CIT: variants seen among roughly 807,000 people sequenced by gnomAD.
CIT encodes the protein citron Rho-interacting kinase.
Under a neutral mutation model 272.7 loss-of-function variants are expected in CIT, and 79 were observed. That is an observed-to-expected ratio of 0.29 (90% CI 0.24 to 0.35). CIT has a LOEUF of 0.35. CIT is among the 10% of genes least tolerant of loss of function. The pLI, the probability that CIT is intolerant of heterozygous loss-of-function variation, is 1.00. For missense variants in CIT, 1,909 were observed against 2,618.3 expected (o/e 0.73, Z 5.91); for synonymous variants, 948 against 995.6 (o/e 0.95, Z 0.90).
At chr12:119,751,889 C>A (rs1960312103) in intron 23 of CIT, among the ~76,000 whole-genome samples, 161 bp downstream of exon 23, 1 of 152,200 alleles carries the variant, frequency 6.6e-6, no homozygotes, top group Non-Finnish European at 1.5e-5. Context: ...TCCAATGAAG[C>A]AGCAGCCTAT....
chr12:119,821,018 A>C (rs1220884989), intron 9 of CIT, among the ~76,000 whole-genome samples: 1 of 151,866 alleles, frequency 6.6e-6, no homozygotes, highest in East Asian at 1.9e-4. Context: ...TTTTTTGGCC[A>C]GGCGTGGTGG....
intron 23 of CIT, among the ~76,000 whole-genome samples, chr12:119,743,144 A>AT (rs1423222364): frequency 2.6e-5 from 4 of 152,186 alleles, no homozygotes; most frequent in African/African-American, 9.7e-5. Flanking sequence ...CCATGCCTTC[A>AT]TTCTGGTGAC....
At chr12:119,729,244 A>G (rs1958296957) in intron 27 of CIT, among the ~76,000 whole-genome samples, 1 of 152,166 alleles carries the variant, frequency 6.6e-6, no homozygotes, top group African/African-American at 2.4e-5. Context: ...TAGTTTCCTC[A>G]TGCTTAAAAA....
chr12:119,828,029 T>G (rs1640523202), intron 7 of CIT, among the ~76,000 whole-genome samples: 1 of 152,126 alleles, frequency 6.6e-6, no homozygotes, highest in Non-Finnish European at 1.5e-5. Context: ...TGGGGAGTGT[T>G]TCTCAGGACA....
chr12:119,811,769 T>C (rs182749847), intron 9 of CIT, among the ~76,000 whole-genome samples: 24 of 152,308 alleles, frequency 1.6e-4, no homozygotes, highest in African/African-American at 5.5e-4. Context: ...TAGCTTTACT[T>C]TGTTTTTTTC....
chr12:119,755,667 C>T (rs1392917796), intron 22 of CIT, among the ~76,000 whole-genome samples: 2 of 152,186 alleles, frequency 1.3e-5, no homozygotes, highest in East Asian at 1.9e-4. Context: ...TCTGTCTTGT[C>T]GCCACTGTAG....
chr12:119,752,006 G>C, intron 23 of CIT, 44 bp downstream of exon 23: 1 of 1,556,596 alleles, frequency 6.4e-7, no homozygotes, highest in South Asian at 1.2e-5. Flanking sequence ...ACTCATCCTA[G>C]CTGAGGCCTT....
intron 13 of CIT, 110 bp downstream of exon 13, chr12:119,782,408 C>T: frequency 2.3e-6 from 3 of 1,294,252 alleles, no homozygotes; most frequent in Non-Finnish European, 3.2e-6. Context: ...TCTGCCCCCA[C>T]CCTTTCTCTC....
Position 119,713,746 on chromosome 12 carries a change from G to T in CIT, c.4307-98C>A. 7.6e-7 allele frequency: 1 copy of T among 1,309,034 alleles called. No homozygotes were observed. The highest frequency in any genetic ancestry group is 1.1e-6 in the Non-Finnish European group (1 of 911,612). The allele number at this position is 1,309,034 out of a possible 1,614,324, so 81.1% of individuals were successfully genotyped here. ...ACGCCTGGGCTTCTCTACCCCAGCCGGGCCCAGAGAGTCTGGCCCTGGCTT... is the reference window on the plus strand; with the variant it reads ...ACGCCTGGGCTTCTCTACCCCAGCCTGGCCCAGAGAGTCTGGCCCTGGCTT... On this transcript the variant is annotated intron_variant, in intron 33 of 47. Transcript: ENST00000392521. The surrounding 1 kb of genome is among the most constrained non-coding windows in gnomAD (Gnocchi z 5.2).
In CIT at chr12:119,726,313, C is replaced by T. The variant is rs773102078; in HGVS notation, c.3591+2189G>A. On this transcript the variant is annotated intron_variant, in intron 28 of 47. Coordinates refer to ENST00000392521, the MANE Select transcript of CIT (RefSeq NM_001206999.2). ...AGCTCAATGCAGCCTCAAACACCTG[C>T]GCTCAAGTGATCCTCCCACCTCAGC... Among the ~76,000 whole-genome samples, 15 of 151,522 alleles carry T rather than the reference C, an allele frequency of 9.9e-5. 1 individual carries two copies. Among genetic ancestry groups the T allele is most frequent in the East Asian group, 3.9e-4 (2 of 5,162 alleles).
rs767217594 is a variant in CIT, at chr12:119,825,142, G to A, written c.957+23C>T. On this transcript the variant is annotated intron_variant, in intron 8 of 47. Coordinates refer to ENST00000392521, the MANE Select transcript of CIT (RefSeq NM_001206999.2). The stretch of plus-strand genomic sequence containing the variant: ...AAATAACGTTTCTCAATGTGACTTC[G>A]AAATCTTCTAAGGACTCTTTACCTG... The A allele has an allele frequency of 6.3e-6, 10 of 1,596,588 alleles. No individual in the cohort carries two copies. In the South Asian group the frequency reaches 8.9e-5, roughly 14 times the overall value.
In CIT at chr12:119,713,869, C is replaced by G; in HGVS notation, c.4307-221G>C. ...TGACCCAGTTTTCCAGGCTTCAATC[C>G]AGACCGCCCACAAACAGGTGTGTAA... On this transcript the variant is annotated intron_variant, in intron 33 of 47. Transcript: ENST00000392521. The surrounding 1 kb of genome is among the most constrained non-coding windows in gnomAD (Gnocchi z 5.2). The G allele has an allele frequency of 1.6e-6, 1 of 616,260 alleles. No individual in the cohort carries two copies. Among genetic ancestry groups the G allele is most frequent in the Non-Finnish European group, 2.9e-6 (1 of 350,336 alleles). 38.2% of individuals were successfully genotyped at this position (616,260 alleles called of 1,614,324 possible).
rs556269395 is a variant in CIT at position 119,825,257 on chromosome 12, C to A, written c.865G>T (p.Val289Leu). Residue 289 changes from valine to leucine, a missense_variant, in exon 8 of 48, where the codon GTG (valine) becomes TTG (leucine). Val to Leu is a conservative substitution (Grantham distance 32, BLOSUM62 1). This residue lies in a region of CIT where 529 missense variants were observed against 549.6 expected (regional missense o/e 0.96). Transcript: ENST00000392521. ...TYGLDCDWWS[V>L]GVIAYEMIYG... ...ATCATCTCATAGGCAATCACGCCCA[C>A]TGACCACCAGTCACAGTCCAGGCCG... The A allele has an allele frequency of 1.2e-4, 199 of 1,614,206 alleles. 2 individuals carry two copies. The South Asian group carries it at 2.1e-3, about 17-fold the overall frequency.
chr12:119,776,492 AAG>A, intron 14 of CIT, 84 bp from the exon 15 acceptor site: 4 of 1,248,668 alleles, frequency 3.2e-6, no homozygotes, highest in Non-Finnish European at 4.6e-6. Flanking sequence ...CTCTGTGACC[AAG>A]ATAATAATAG....
In CIT at chr12:119,742,436, A is replaced by G; in HGVS notation, c.2933T>C (p.Phe978Ser). The G allele has an allele frequency of 6.2e-7, 1 of 1,611,246 alleles. No homozygotes were observed. The highest frequency in any genetic ancestry group is 1.1e-5 in the South Asian group (1 of 90,368). Residue 978 changes from phenylalanine to serine, a missense_variant, in exon 24 of 48, where the codon TTT becomes TCT. By Grantham distance (155) the Phe-to-Ser change is radical. Coordinates refer to ENST00000392521, the MANE Select transcript of CIT (RefSeq NM_001206999.2). ...AGTACAGCTGTTACGAAGAGCATCAAATTTGCGCTGGATTTCATCTCTATG... is the reference window on the plus strand; with the variant it reads ...AGTACAGCTGTTACGAAGAGCATCAGATTTGCGCTGGATTTCATCTCTATG... The part of the protein sequence containing the change: ...TAHRDEIQRK[F>S]DALRNSCTVI...
intron 1 of CIT, among the ~76,000 whole-genome samples, chr12:119,876,442 G>A (rs191561120): frequency 2.6e-5 from 4 of 152,258 alleles, no homozygotes; most frequent in African/African-American, 4.8e-5. Flanking sequence ...CTCCACAAGG[G>A]CAGAGATGTT....
chr12:119,858,687 T>C (rs916771967), intron 3 of CIT, among the ~76,000 whole-genome samples: 11 of 152,000 alleles, frequency 7.2e-5, no homozygotes, highest in Non-Finnish European at 1.3e-4. Context: ...CTGGGCATGG[T>C]GGTGAGCACC....
chr12:119,873,479 C>G (rs1179688417), intron 2 of CIT, among the ~76,000 whole-genome samples: 1 of 151,802 alleles, frequency 6.6e-6, no homozygotes. Flanking sequence ...AGGGGCTCAC[C>G]ATGTTGCCCG....
intron 28 of CIT, among the ~76,000 whole-genome samples, chr12:119,727,572 C>CA (rs1336264074): frequency 2.6e-5 from 4 of 151,776 alleles, no homozygotes; most frequent in Admixed American, 2.0e-4. Flanking sequence ...CCCATGTCAC[C>CA]AAAAAAACAC....
Sources: allele counts gnomAD v4.1 joint callset (sites outside exome capture counted in the v4.1 genomes callset), GRCh38; gene constraint gnomAD v4.1.1; regional missense constraint gnomAD v4.1.1; non-coding constraint Gnocchi (gnomAD v3.1); transcripts MANE v1.5; gene names NCBI Gene and HGNC (gene_info 2026-07-23, HGNC 2026-07-21).